Variants in EFL1 observed in about 807,000 individuals in gnomAD.
The protein encoded by EFL1 is elongation factor like GTPase 1, also known as elongation factor-like GTPase 1.
A neutral mutation model predicts 126.7 loss-of-function variants in EFL1; 76 were observed. That is an observed-to-expected ratio of 0.60 (90% CI 0.50 to 0.73). The LOEUF (loss-of-function observed/expected upper bound fraction) is 0.73, where lower values mean the gene tolerates loss of function less well. Among genes scored for constraint, EFL1 ranks in the 30% least tolerant of loss-of-function variants. The pLI is 0.00. For missense variants in EFL1, 1,128 were observed against 1,343.2 expected (o/e 0.84, Z 2.50); for synonymous variants, 410 against 448.4 (o/e 0.91, Z 1.08).
At chr15:82,164,119 A>C (rs888467777) in intron 15 of EFL1, 135 bp from the exon 16 acceptor site, 1 of 1,082,024 alleles carries the variant, frequency 9.2e-7, no homozygotes, top group Non-Finnish European at 1.3e-6. Context: ...AATGAGGCGG[A>C]CCTGCACTGT....
At chr15:82,237,280 C>T (rs1030113000) in intron 7 of EFL1, among the ~76,000 whole-genome samples, 6 of 152,134 alleles carry the variant, frequency 3.9e-5, no homozygotes, top group African/African-American at 1.4e-4. Flanking sequence ...CAAAGGACTA[C>T]TGTTTAGAAT....
At chr15:82,261,842 C>T (rs537275227) in intron 1 of EFL1, 45 bp from the exon 2 acceptor site, 11 of 1,483,340 alleles carry the variant, frequency 7.4e-6, no homozygotes, top group African/African-American at 4.2e-5. Flanking sequence ...GGCTAAAGGT[C>T]GGGGCAAAAG....
intron 4 of EFL1, among the ~76,000 whole-genome samples, chr15:82,250,714 T>C (rs1434749245): frequency 6.6e-6 from 1 of 152,092 alleles, no homozygotes; most frequent in Non-Finnish European, 1.5e-5. Context: ...GAAGGATCCA[T>C]AAACTTTTAC....
intron 15 of EFL1, among the ~76,000 whole-genome samples, chr15:82,172,504 G>A (rs978388120): frequency 5.9e-5 from 9 of 152,084 alleles, no homozygotes; most frequent in South Asian, 4.1e-4. Context: ...ATATCTTCCC[G>A]TACAAGAATT....
intron 15 of EFL1, among the ~76,000 whole-genome samples, chr15:82,199,455 G>A (rs1247541621): frequency 6.6e-6 from 1 of 152,212 alleles, no homozygotes; most frequent in East Asian, 1.9e-4. Flanking sequence ...CTCAATTGGA[G>A]ACAGCTAGGA....
At chr15:82,238,790 CTTAAT>C (rs775566354) in intron 6 of EFL1, among the ~76,000 whole-genome samples, 2 of 152,036 alleles carry the variant, frequency 1.3e-5, no homozygotes, top group Non-Finnish European at 2.9e-5. Context: ...GTGTCATATC[CTTAAT>C]TTGTTTCTCA....
intron 15 of EFL1, among the ~76,000 whole-genome samples, chr15:82,197,919 T>C (rs2074425060): frequency 6.6e-6 from 1 of 152,160 alleles, no homozygotes; most frequent in Non-Finnish European, 1.5e-5. Flanking sequence ...CTGCCTGCCA[T>C]GTGTAAGACT....
At chr15:82,251,409 A>G (rs1332652721) in intron 4 of EFL1, among the ~76,000 whole-genome samples, 1 of 152,190 alleles carries the variant, frequency 6.6e-6, no homozygotes, top group Non-Finnish European at 1.5e-5. Flanking sequence ...AAACCTTAAT[A>G]AAGTGGTTAA....
chr15:82,220,881 T>G (rs543719329), intron 12 of EFL1, among the ~76,000 whole-genome samples: 1 of 152,266 alleles, frequency 6.6e-6, no homozygotes, highest in South Asian at 2.1e-4. Context: ...AAAAAGGTGT[T>G]GACAAAAGGG....
chr15:82,151,606 G>A lies in EFL1; in HGVS notation c.2848C>T (p.Leu950Phe). Residue 950 changes from leucine to phenylalanine, a missense_variant, in exon 18 of 20, where the codon CTC becomes TTC. Transcript: ENST00000268206. ...GAGAAAGGTCCATAGCAGTCAGTGA[G>A]TGGAGATTCTCCTTTCTGTGATGTC... ...KRTSQKGESP[L>F]TDCYGPFSGQ... The A allele has an allele frequency of 6.2e-7, 1 of 1,614,166 alleles. No homozygotes were observed. Among genetic ancestry groups the A allele is most frequent in the South Asian group, 1.1e-5 (1 of 91,074 alleles).
At chr15:82,232,638 T>TTTTA (rs1357253383) in intron 7 of EFL1, among the ~76,000 whole-genome samples, 10 of 152,350 alleles carry the variant, frequency 6.6e-5, no homozygotes, top group African/African-American at 2.4e-4. Flanking sequence ...ATAAATCCTA[T>TTTTA]TTTATTGTTA....
At position 82,130,500 on chromosome 15, in the gene EFL1, T is replaced by A. The variant is rs1297765659; in HGVS notation, c.3236A>T (p.Glu1079Val). The change falls in exon 20 of 20, where the codon GAG (glutamate) becomes GTG (valine). Residue 1079 changes from glutamate to valine, a missense_variant. By Grantham distance (121) the Glu-to-Val change is moderately radical (BLOSUM62 -2). This residue lies in a region of EFL1 where 561 missense variants were observed against 641.7 expected (regional missense o/e 0.87). Transcript: ENST00000268206. The stretch of plus-strand genomic sequence containing the variant: ...GGCTTGGTTCTCAGAGTCAGCCTTC[T>A]CCCCAAAGTGCAAGTATTCCTCCTC... ...TTEEEYLHFG[E>V]KADSENQARK... is the part of the protein sequence containing the mutation. The A allele has an allele frequency of 6.2e-7, 1 of 1,614,158 alleles. No individual in the cohort carries two copies.
intron 15 of EFL1, among the ~76,000 whole-genome samples, chr15:82,195,047 A>G (rs886545402): frequency 2.6e-5 from 4 of 152,204 alleles, no homozygotes; most frequent in African/African-American, 9.7e-5. Flanking sequence ...TATTGTTATA[A>G]TTTTACTAAT....
intron 15 of EFL1, among the ~76,000 whole-genome samples, chr15:82,170,164 G>A (rs941159676): frequency 6.9e-6 from 1 of 144,092 alleles, no homozygotes; most frequent in African/African-American, 2.6e-5. Context: ...GCCCAGGCTG[G>A]AGTGCAGTGG....
At chr15:82,147,261 T>C (rs1378582488) in intron 18 of EFL1, among the ~76,000 whole-genome samples, 1 of 152,078 alleles carries the variant, frequency 6.6e-6, no homozygotes, top group African/African-American at 2.4e-5. Context: ...TCCCATTATT[T>C]TGGGAGGAAA....
At chr15:82,226,654 T>A (rs897048967) in intron 11 of EFL1, among the ~76,000 whole-genome samples, 1 of 152,124 alleles carries the variant, frequency 6.6e-6, no homozygotes, top group Non-Finnish European at 1.5e-5. Context: ...GTTCTAGATA[T>A]CAGTCCAGAG....
chr15:82,210,818 C>T (rs1440674942), intron 15 of EFL1, among the ~76,000 whole-genome samples: 5 of 148,384 alleles, frequency 3.4e-5, no homozygotes, highest in African/African-American at 7.5e-5. Flanking sequence ...GCTAAGATTG[C>T]ACCATTGCAC....
intron 19 of EFL1, among the ~76,000 whole-genome samples, chr15:82,131,114 C>T (rs942956889): frequency 6.6e-5 from 10 of 152,066 alleles, no homozygotes; most frequent in Non-Finnish European, 1.5e-4. Context: ...TTGCTCCTAG[C>T]GCCAGTTCAT....
At chr15:82,149,815 A>G (rs1000575969) in intron 18 of EFL1, among the ~76,000 whole-genome samples, 14 of 152,160 alleles carry the variant, frequency 9.2e-5, no homozygotes, top group Admixed American at 5.2e-4. Context: ...CTCAATATAG[A>G]AAAAAACACC....
Sources: allele counts gnomAD v4.1 joint callset (sites outside exome capture counted in the v4.1 genomes callset), GRCh38; gene constraint gnomAD v4.1.1; regional missense constraint gnomAD v4.1.1; transcripts MANE v1.5; gene names NCBI Gene and HGNC (gene_info 2026-07-23, HGNC 2026-07-21).